Variants in STAM observed in about 807,000 individuals in gnomAD.
STAM encodes signal transducing adapter molecule 1.
A neutral mutation model predicts 63.4 loss-of-function variants in STAM; 16 were observed. The observed-to-expected ratio is 0.25, with a 90% CI of 0.17 to 0.38. STAM has a LOEUF of 0.38. Among genes scored for constraint, STAM ranks in the 10% least tolerant of loss-of-function variants. STAM has a pLI of 1.00. For synonymous variants in STAM, 238 were observed against 223.9 expected, an observed-to-expected ratio of 1.06 and a Z score of -0.56; for missense variants, 636 against 657.1, an observed-to-expected ratio of 0.97 and a Z score of 0.35.
chr10:17,692,772 A>G (rs1172946552), intron 5 of STAM, among the ~76,000 whole-genome samples: 1 of 152,216 alleles, frequency 6.6e-6, no homozygotes, highest in Non-Finnish European at 1.5e-5. Flanking sequence ...GTTCCTGAAG[A>G]TAACATCCTG....
intron 2 of STAM, among the ~76,000 whole-genome samples, chr10:17,680,019 T>TA (rs1237079514): frequency 5.9e-5 from 9 of 151,612 alleles, no homozygotes; most frequent in African/African-American, 1.7e-4. Context: ...GTTGATCCTT[T>TA]AAAAAAAAAC....
intron 1 of STAM, among the ~76,000 whole-genome samples, chr10:17,644,745 C>G (rs1256081211): frequency 1.3e-5 from 2 of 152,186 alleles, no homozygotes; most frequent in Non-Finnish European, 2.9e-5. Context: ...ATTGTAAACC[C>G]TGTACCAAAA....
intron 1 of STAM, among the ~76,000 whole-genome samples, chr10:17,658,441 T>C (rs1834029811): frequency 6.6e-6 from 1 of 152,174 alleles, no homozygotes; most frequent in Non-Finnish European, 1.5e-5. Flanking sequence ...AAATGTCAAT[T>C]GTCAATTATA....
chr10:17,714,963 C>CCG lies in STAM; in HGVS notation c.*184_*185insGC, dbSNP rs1466813742. Reference sequence around the variant, plus strand: ...CACTGACTTTTTAGAGGTTCTTCCCCCCCCGCCCCTGCAGAGGAATGAAAC... The same window carrying CCG: ...CACTGACTTTTTAGAGGTTCTTCCCCCGCCCCGCCCCTGCAGAGGAATGAAAC... On this transcript the variant is annotated 3_prime_UTR_variant, in exon 14 of 14. Coordinates refer to ENST00000377524, the MANE Select transcript of STAM (RefSeq NM_003473.4). The CCG allele has an allele frequency of 1.3e-5, 8 of 604,726 alleles. No individual in the cohort carries two copies. Among genetic ancestry groups the CCG allele is most frequent in the Middle Eastern group, 4.5e-4 (1 of 2,218 alleles). 37.5% of individuals were successfully genotyped at this position (604,726 alleles called of 1,614,324 possible).
At chr10:17,651,456 A>G (rs1481591584) in intron 1 of STAM, among the ~76,000 whole-genome samples, 1 of 152,238 alleles carries the variant, frequency 6.6e-6, no homozygotes, top group Admixed American at 6.5e-5. Context: ...CTGTTAAAAC[A>G]TAGGAGAGAA....
At chr10:17,691,754 C>A (rs1835545467) in intron 5 of STAM, among the ~76,000 whole-genome samples, 1 of 152,102 alleles carries the variant, frequency 6.6e-6, no homozygotes, top group Admixed American at 6.5e-5. Context: ...TTGCCTGTTA[C>A]AATGTTCCAG....
Position 17,705,756 on chromosome 10 carries a change from G to T in STAM, c.1209+15G>T, listed in dbSNP as rs782378713. Reference sequence around the variant, plus strand: ...CTGGTTCTCAGGTAAGCTTTTAGAAGCCCATGTTGTTTTAAATTCTCAAAT... The same window carrying T: ...CTGGTTCTCAGGTAAGCTTTTAGAATCCCATGTTGTTTTAAATTCTCAAAT... On this transcript the variant is annotated intron_variant, in intron 12 of 13. Transcript: ENST00000377524. 1 of 1,605,422 alleles carries T rather than the reference G, an allele frequency of 6.2e-7. No homozygotes were observed. Among genetic ancestry groups the T allele is most frequent in the Admixed American group, 1.7e-5 (1 of 58,200 alleles).
intron 12 of STAM, among the ~76,000 whole-genome samples, chr10:17,707,587 G>T (rs535697142): frequency 2.2e-4 from 34 of 152,202 alleles, no homozygotes; most frequent in African/African-American, 7.5e-4. Context: ...ACCTGCTTTA[G>T]AGTCTTGATC....
chr10:17,652,935 T>C (rs1162890717), intron 1 of STAM, among the ~76,000 whole-genome samples: 1 of 152,180 alleles, frequency 6.6e-6, no homozygotes, highest in African/African-American at 2.4e-5. Flanking sequence ...GAATGATAAA[T>C]AATTTGACTA....
chr10:17,650,638 C>A (rs1554821414), intron 1 of STAM, among the ~76,000 whole-genome samples: 1 of 152,176 alleles, frequency 6.6e-6, no homozygotes, highest in African/African-American at 2.4e-5. Flanking sequence ...AGGTTTAGAT[C>A]ACCACTCTCT....
intron 13 of STAM, among the ~76,000 whole-genome samples, chr10:17,711,205 CTG>C (rs1300872959): frequency 6.6e-6 from 1 of 152,180 alleles, no homozygotes; most frequent in African/African-American, 2.4e-5. Context: ...TTAAAGCTCA[CTG>C]TTTTTCAGAC....
intron 1 of STAM, among the ~76,000 whole-genome samples, chr10:17,653,306 C>T (rs1377595490): frequency 5.9e-5 from 9 of 152,180 alleles, no homozygotes; most frequent in Non-Finnish European, 1.5e-5. Flanking sequence ...TGGAAACAAG[C>T]TATTTGTGAA....
chr10:17,661,074 T>C (rs1834148567), intron 2 of STAM, among the ~76,000 whole-genome samples: 2 of 152,204 alleles, frequency 1.3e-5, no homozygotes, highest in South Asian at 4.1e-4. Context: ...TTAGGTGGAA[T>C]TGAAAAGAAA....
chr10:17,691,511 C>CTGTCTCAT (rs564421289), intron 5 of STAM, among the ~76,000 whole-genome samples: 14,521 of 151,930 alleles, frequency 0.096, 744 homozygotes, highest in Middle Eastern at 0.15. Flanking sequence ...GAGCGAGACT[C>CTGTCTCAT]AAATAAATAA....
intron 4 of STAM, among the ~76,000 whole-genome samples, chr10:17,685,618 G>A (rs1194888750): frequency 6.6e-6 from 1 of 152,186 alleles, no homozygotes; most frequent in Non-Finnish European, 1.5e-5. Flanking sequence ...CAACATACTT[G>A]ATCTTTTAGT....
intron 2 of STAM, among the ~76,000 whole-genome samples, chr10:17,664,877 G>A (rs1834314362): frequency 6.6e-6 from 1 of 152,086 alleles, no homozygotes. Flanking sequence ...ATGGTGGAAG[G>A]ACTTTAGGAG....
chr10:17,696,759 T>A lies in STAM; in HGVS notation c.729-16T>A. 6.4e-7 allele frequency: 1 copy of A among 1,564,362 alleles called. No homozygotes were observed. The highest frequency in any genetic ancestry group is 1.4e-5 in the African/African-American group (1 of 73,972). ...TACATTTGTTATGGTAAAGCATTGTTTTTTGTTTGTCATAGTGATCCTAAC... is the reference window on the plus strand; with the variant it reads ...TACATTTGTTATGGTAAAGCATTGTATTTTGTTTGTCATAGTGATCCTAAC... On this transcript the variant is annotated splice_polypyrimidine_tract_variant and intron_variant, in intron 7 of 13. Coordinates refer to ENST00000377524, the MANE Select transcript of STAM (RefSeq NM_003473.4).
chr10:17,692,549 C>T (rs911247400), intron 5 of STAM, among the ~76,000 whole-genome samples: 2 of 152,110 alleles, frequency 1.3e-5, no homozygotes, highest in Non-Finnish European at 2.9e-5. Flanking sequence ...TCTGATTTGC[C>T]TTGAATGCTA....
chr10:17,707,724 C>T (rs575765503), intron 12 of STAM, among the ~76,000 whole-genome samples: 1 of 152,134 alleles, frequency 6.6e-6, no homozygotes, highest in East Asian at 1.9e-4. Flanking sequence ...GTGGGTCTGT[C>T]GTTTAACAGA....
Sources: gnomAD v4.1 joint callset for allele counts (sites outside exome capture counted in the v4.1 genomes callset) on GRCh38, gnomAD v4.1.1 for gene constraint, MANE v1.5 for transcripts, NCBI Gene and HGNC (gene_info 2026-07-23, HGNC 2026-07-21) for gene names.